The following CUL1 variants were observed in gnomAD, a reference collection of about 807,000 sequenced individuals.
CUL1 encodes the protein cullin-1.
In CUL1, 24 loss-of-function variants were observed where a neutral mutation model predicts 118.0. The ratio of observed to expected loss-of-function variants is 0.20; its 90% CI spans 0.15 to 0.29. The LOEUF is 0.29. CUL1 is among the 10% of genes least tolerant of loss of function. The probability of loss-of-function intolerance (pLI) is 1.00; values close to 1 mark genes in which losing one functional copy is unlikely to be tolerated. For missense variants in CUL1, 361 were observed against 933.8 expected (o/e 0.39, Z 7.99); for synonymous variants, 332 against 340.4 (o/e 0.98, Z 0.27).
chr7:148,783,779 T>G lies in CUL1; in HGVS notation c.1084-4T>G, dbSNP rs774579406. On this transcript the variant is annotated splice_polypyrimidine_tract_variant and splice_region_variant and intron_variant, in intron 9 of 21. Coordinates refer to ENST00000325222, the MANE Select transcript of CUL1 (RefSeq NM_003592.3). The stretch of plus-strand genomic sequence containing the variant: ...TTTTGTTTCTATTTCTGCCCCCATT[T>G]AAGGACCCCAAAATGTATGTACAGA... The G allele has an allele frequency of 7.4e-6, 12 of 1,613,950 alleles. No homozygotes were observed. In the East Asian group the frequency reaches 2.0e-4, roughly 27 times the overall value.
At chr7:148,756,839 T>G in intron 3 of CUL1, 144 bp from the exon 4 acceptor site, 2 of 451,050 alleles carry the variant, frequency 4.4e-6, no homozygotes, top group South Asian at 1.5e-4. Flanking sequence ...TATTAGCATG[T>G]TTTTGTATAC....
In CUL1 at chr7:148,799,280, C is replaced by T. The variant is rs746644624; in HGVS notation, c.2142C>T (p.Ala714=). ...EEDRKLLIQA[A]IVRIMKMRKV... Reference sequence around the variant, plus strand: ...TTCCTTATCTTGTTGCATAGGCGGCCATCGTGAGAATCATGAAGATGAGGA... The same window carrying T: ...TTCCTTATCTTGTTGCATAGGCGGCTATCGTGAGAATCATGAAGATGAGGA... The change falls in exon 21 of 22, where the codon GCC becomes GCT. Residue 714 remains alanine, a synonymous_variant. Coordinates refer to ENST00000325222, the MANE Select transcript of CUL1 (RefSeq NM_003592.3). 9.9e-6 allele frequency: 16 copies of T among 1,612,906 alleles called. No individual in the cohort carries two copies. The highest frequency in any genetic ancestry group is 4.2e-6 in the Non-Finnish European group (5 of 1,179,140).
At chr7:148,715,761 C>T (rs1798195049) in intron 1 of CUL1, among the ~76,000 whole-genome samples, 1 of 152,090 alleles carries the variant, frequency 6.6e-6, no homozygotes, top group Non-Finnish European at 1.5e-5. Flanking sequence ...AAACTGCCAA[C>T]CTTTAAAAAA....
At position 148,800,059 on chromosome 7, in the gene CUL1, C is replaced by A. The variant is rs773736307; in HGVS notation, c.2251-443C>A. On this transcript the variant is annotated intron_variant, in intron 21 of 21. Transcript: ENST00000325222. The surrounding 1 kb of genome is among the most constrained non-coding windows in gnomAD (Gnocchi z 4.6). Reference sequence around the variant, plus strand: ...ATTGACAGGTGACTTCCCCAACAGGCAGGAGGCCCAGTGTCCCTCCTGGGT... The same window carrying A: ...ATTGACAGGTGACTTCCCCAACAGGAAGGAGGCCCAGTGTCCCTCCTGGGT... Among the ~76,000 whole-genome samples, 1 of 152,174 alleles carries A rather than the reference C, an allele frequency of 6.6e-6. No individual in the cohort carries two copies. The highest frequency in any genetic ancestry group is 1.5e-5 in the Non-Finnish European group (1 of 68,028).
intron 14 of CUL1, among the ~76,000 whole-genome samples, 184 bp downstream of exon 14, chr7:148,788,858 A>T (rs1800909249): frequency 6.6e-6 from 1 of 152,224 alleles, no homozygotes; most frequent in African/African-American, 2.4e-5. Context: ...TTAGGAGATG[A>T]CAACCCTTGA....
chr7:148,763,459 C>G lies in CUL1; in HGVS notation c.789+2963C>G, dbSNP rs545789346. 3.9e-5 allele frequency among the ~76,000 whole-genome samples: 6 copies of G among 152,290 alleles called. No homozygotes were observed. The South Asian group carries it at 1.2e-3, about 32-fold the overall frequency. ...GCTCTCATCCTATAGCCTTGCATCTCAAACTGAGCTATGAGTCTATTTTTA... is the reference window on the plus strand; with the variant it reads ...GCTCTCATCCTATAGCCTTGCATCTGAAACTGAGCTATGAGTCTATTTTTA... On this transcript the variant is annotated intron_variant, in intron 7 of 21. Transcript: ENST00000325222.
intron 2 of CUL1, among the ~76,000 whole-genome samples, chr7:148,752,856 GT>G (rs1799535075): frequency 6.6e-6 from 1 of 152,104 alleles, no homozygotes; most frequent in Admixed American, 6.5e-5. Context: ...GTTTCACCGT[GT>G]TAGCCAGGAT....
intron 2 of CUL1, among the ~76,000 whole-genome samples, chr7:148,742,205 C>G (rs541779966): frequency 5.1e-4 from 77 of 152,216 alleles, no homozygotes; most frequent in African/African-American, 1.8e-3. Context: ...TTAGTCTGTT[C>G]TCATACAGCT....
At chr7:148,769,931 C>A (rs143193306) in intron 9 of CUL1, among the ~76,000 whole-genome samples, 1 of 152,072 alleles carries the variant, frequency 6.6e-6, no homozygotes, top group Non-Finnish European at 1.5e-5. Context: ...AAAGATGGGA[C>A]GTTAATTCTA....
intron 1 of CUL1, among the ~76,000 whole-genome samples, chr7:148,710,887 C>G (rs980163668): frequency 1.3e-5 from 2 of 151,946 alleles, no homozygotes; most frequent in Non-Finnish European, 2.9e-5. Flanking sequence ...AGGCTGGTCT[C>G]GAACTCCTGA....
At chr7:148,783,377 C>G in intron 9 of CUL1, 1 of 985,464 alleles carries the variant, frequency 1.0e-6, no homozygotes. Flanking sequence ...CGTTGCCTGC[C>G]CAGCCGGGCT....
chr7:148,785,813 G>A (rs907134601), intron 11 of CUL1, among the ~76,000 whole-genome samples: 1 of 152,064 alleles, frequency 6.6e-6, no homozygotes, highest in Non-Finnish European at 1.5e-5. Context: ...AGTCAGGGAG[G>A]CACTAAGTTA....
chr7:148,772,287 C>T lies in CUL1; in HGVS notation c.1083+4538C>T, dbSNP rs558476528. Among the ~76,000 whole-genome samples the T allele has an allele frequency of 3.3e-5, 5 of 152,204 alleles. No individual in the cohort carries two copies. In the South Asian group the frequency reaches 1.0e-3, roughly 32 times the overall value. ...AAAATTAGCCGGGCGTGTTAGCAGG[C>T]ACCTGTAATCCCAGCTACTCCAGAG... On this transcript the variant is annotated intron_variant, in intron 9 of 21. Transcript: ENST00000325222.
At chr7:148,738,191 G>C (rs912421194) in intron 2 of CUL1, among the ~76,000 whole-genome samples, 16 of 152,130 alleles carry the variant, frequency 1.1e-4, no homozygotes, top group African/African-American at 3.9e-4. Context: ...TGAGAATACT[G>C]GCTCCGTCAT....
At chr7:148,719,738 A>G (rs1268893838) in intron 1 of CUL1, among the ~76,000 whole-genome samples, 1 of 152,248 alleles carries the variant, frequency 6.6e-6, no homozygotes, top group Admixed American at 6.5e-5. Flanking sequence ...AGGCAAGCTC[A>G]TGAATTCGCT....
intron 1 of CUL1, among the ~76,000 whole-genome samples, chr7:148,699,505 C>A (rs947757663): frequency 2.0e-5 from 3 of 152,128 alleles, no homozygotes; most frequent in African/African-American, 7.2e-5. Context: ...CGCTTCTTCC[C>A]GGCGCTGCTT....
In CUL1 at chr7:148,757,840, G is replaced by A. The variant is rs529481657; in HGVS notation, c.483+690G>A. Among the ~76,000 whole-genome samples the A allele has an allele frequency of 6.6e-5, 10 of 152,276 alleles. No homozygotes were observed. In the East Asian group the frequency reaches 1.9e-3, roughly 29 times the overall value. On this transcript the variant is annotated intron_variant, in intron 4 of 21. Transcript: ENST00000325222. ...AAGACAGAATGAGAGCCAAGCAAAA[G>A]CGGAAACCCCTTATAAAACCATCAG...
At chr7:148,717,541 G>T (rs1053319573) in intron 1 of CUL1, among the ~76,000 whole-genome samples, 1 of 151,578 alleles carries the variant, frequency 6.6e-6, no homozygotes, top group Non-Finnish European at 1.5e-5. Flanking sequence ...TCTTTCCATT[G>T]CTGTTGGTCT....
chr7:148,702,640 C>A (rs1797755953), intron 1 of CUL1, among the ~76,000 whole-genome samples: 1 of 152,196 alleles, frequency 6.6e-6, no homozygotes, highest in African/African-American at 2.4e-5. Flanking sequence ...CTCCATGCTT[C>A]AGCGCTATTG....
Sources: allele counts gnomAD v4.1 joint callset (sites outside exome capture counted in the v4.1 genomes callset), GRCh38; gene constraint gnomAD v4.1.1; non-coding constraint Gnocchi (gnomAD v3.1); transcripts MANE v1.5; gene names NCBI Gene and HGNC (gene_info 2026-07-23, HGNC 2026-07-21).